The following ACER3 variants were observed in gnomAD, a reference collection of about 807,000 sequenced individuals.
ACER3 encodes alkaline ceramidase 3.
In ACER3, 16 loss-of-function variants were observed where a neutral mutation model predicts 48.9. That is an observed-to-expected ratio of 0.33 (90% CI 0.22 to 0.50). The LOEUF (loss-of-function observed/expected upper bound fraction) is 0.50. ACER3 is among the 20% of genes least tolerant of loss of function. The probability of loss-of-function intolerance (pLI) is 0.98; values close to 1 mark genes in which losing one functional copy is unlikely to be tolerated. For missense variants in ACER3, 227 were observed against 326.0 expected, an observed-to-expected ratio of 0.70 and a Z score of 2.34; for synonymous variants, 109 against 107.8, an observed-to-expected ratio of 1.01 and a Z score of -0.07.
chr11:76,964,181 C>T (rs999595016), intron 3 of ACER3, among the ~76,000 whole-genome samples: 3 of 151,392 alleles, frequency 2.0e-5, no homozygotes, highest in Non-Finnish European at 4.4e-5. Flanking sequence ...GCACCTGGCT[C>T]GGAGGGTCCT....
chr11:76,948,236 T>C (rs1310129757), intron 2 of ACER3, among the ~76,000 whole-genome samples: 1 of 150,958 alleles, frequency 6.6e-6, no homozygotes, highest in Admixed American at 6.6e-5. Flanking sequence ...TGTGTGTGTG[T>C]GTGTGTGTGT....
chr11:76,990,338 C>A (rs1948773197), intron 5 of ACER3, among the ~76,000 whole-genome samples: 1 of 152,166 alleles, frequency 6.6e-6, no homozygotes, highest in Admixed American at 6.5e-5. Context: ...CATAACAGGG[C>A]TAGCACTGAG....
intron 1 of ACER3, among the ~76,000 whole-genome samples, chr11:76,924,745 T>C (rs544872495): frequency 2.0e-5 from 3 of 152,230 alleles, no homozygotes; most frequent in South Asian, 4.1e-4. Context: ...AATATGGCTA[T>C]GTAAATAATG....
chr11:76,983,147 G>A (rs569521267), intron 4 of ACER3, among the ~76,000 whole-genome samples: 2 of 152,010 alleles, frequency 1.3e-5, no homozygotes, highest in Admixed American at 6.6e-5. Context: ...TAATTTCTTC[G>A]ACTCTATAGA....
chr11:76,916,552 G>A (rs779674331), intron 1 of ACER3, among the ~76,000 whole-genome samples: 3 of 152,196 alleles, frequency 2.0e-5, no homozygotes, highest in Non-Finnish European at 4.4e-5. Flanking sequence ...TGTAACAAGA[G>A]TGGTCATTTT....
intron 1 of ACER3, among the ~76,000 whole-genome samples, chr11:76,901,096 A>G (rs546225452): frequency 9.2e-5 from 14 of 152,076 alleles, no homozygotes; most frequent in Non-Finnish European, 2.1e-4. Flanking sequence ...CCTCTCTTTC[A>G]TAGCGTTGAC....
intron 1 of ACER3, among the ~76,000 whole-genome samples, chr11:76,898,136 C>T (rs899120973): frequency 6.6e-6 from 1 of 151,960 alleles, no homozygotes; most frequent in Non-Finnish European, 1.5e-5. Flanking sequence ...CAAAAGTGTA[C>T]CTACCATTGC....
intron 2 of ACER3, chr11:76,957,496 TGCA>T (rs748712593): frequency 2.2e-6 from 1 of 450,870 alleles, no homozygotes; most frequent in South Asian, 1.6e-5. Flanking sequence ...GAGGCTGAAG[TGCA>T]GTGGCACAAT....
chr11:76,885,958 AG>A (rs1327085774), intron 1 of ACER3, among the ~76,000 whole-genome samples: 2 of 152,242 alleles, frequency 1.3e-5, no homozygotes, highest in Admixed American at 1.3e-4. Context: ...TGAGGAAAGC[AG>A]ATAAGAAAGC....
At chr11:76,879,081 A>G (rs1945459917) in intron 1 of ACER3, among the ~76,000 whole-genome samples, 1 of 152,020 alleles carries the variant, frequency 6.6e-6, no homozygotes, top group Admixed American at 6.6e-5. Flanking sequence ...TGCCAAATGG[A>G]TGTTTTGTGA....
chr11:76,954,336 A>G (rs912013361), intron 2 of ACER3, among the ~76,000 whole-genome samples: 2 of 152,314 alleles, frequency 1.3e-5, no homozygotes. Context: ...GCTTAAGCCA[A>G]ACTCTTTTAG....
At chr11:76,976,494 T>C (rs1325493870) in intron 4 of ACER3, among the ~76,000 whole-genome samples, 153 bp downstream of exon 4, 1 of 152,210 alleles carries the variant, frequency 6.6e-6, no homozygotes, top group East Asian at 1.9e-4. Context: ...GTATAATTTC[T>C]GGGAAGTTAC....
At chr11:76,985,800 G>A in intron 5 of ACER3, 76 bp downstream of exon 5, 1 of 828,254 alleles carries the variant, frequency 1.2e-6, no homozygotes, top group Non-Finnish European at 1.8e-6. Flanking sequence ...TTTACTTCCA[G>A]TATTTGCTTC....
intron 1 of ACER3, among the ~76,000 whole-genome samples, chr11:76,898,432 C>G (rs1945990304): frequency 6.6e-6 from 1 of 152,184 alleles, no homozygotes; most frequent in African/African-American, 2.4e-5. Flanking sequence ...GATTCAAACT[C>G]CTGGGCTCAA....
At chr11:76,968,126 C>T (rs1174248741) in intron 3 of ACER3, among the ~76,000 whole-genome samples, 1 of 152,042 alleles carries the variant, frequency 6.6e-6, no homozygotes, top group Admixed American at 6.5e-5. Context: ...GCAAAAATCA[C>T]AAGCATTCTT....
In ACER3 at chr11:76,866,320, A is replaced by G. The variant is rs188201248; in HGVS notation, c.103+5241A>G. On this transcript the variant is annotated intron_variant, in intron 1 of 10. Transcript: ENST00000532485. ...GTTACTCAATTTTGTAACATGGCAC[A>G]TAAGTTTATCACCAGGAGACAAGGA... Among the ~76,000 whole-genome samples, 48 of 152,332 alleles carry G rather than the reference A, an allele frequency of 3.2e-4. 1 individual carries two copies. In the East Asian group the frequency reaches 8.5e-3, roughly 27 times the overall value.
chr11:77,018,015 T>C (rs139411485), intron 9 of ACER3, among the ~76,000 whole-genome samples: 3,336 of 140,828 alleles, frequency 0.024, 68 homozygotes, highest in South Asian at 0.04. Context: ...CTTGGCTCAC[T>C]GCAACCTCCA....
intron 4 of ACER3, among the ~76,000 whole-genome samples, chr11:76,984,773 A>T (rs1310859543): frequency 6.6e-6 from 1 of 152,250 alleles, no homozygotes; most frequent in Admixed American, 6.5e-5. Context: ...AGGAATCATT[A>T]GTTGCAAGAT....
In ACER3 at chr11:77,022,176, T is replaced by C. The variant is rs1393005152; in HGVS notation, c.*1849T>C. On this transcript the variant is annotated 3_prime_UTR_variant, in exon 11 of 11. Transcript: ENST00000532485. The stretch of plus-strand genomic sequence containing the variant: ...CTGCATAAAGAGTATATATACAGTG[T>C]AGGATAAAGGCATATCGTACATGGC... 6.6e-6 allele frequency: 1 copy of C among 152,214 alleles called. No homozygotes were observed. The highest frequency in any genetic ancestry group is 1.5e-5 in the Non-Finnish European group (1 of 68,038). 9.4% of individuals were successfully genotyped at this position (152,214 alleles called of 1,614,324 possible). A position where few individuals can be genotyped will look rare whatever the true frequency, so the allele number is the denominator to read the frequency against.
Sources: gnomAD v4.1 joint callset for allele counts (sites outside exome capture counted in the v4.1 genomes callset) on GRCh38, gnomAD v4.1.1 for gene constraint, MANE v1.5 for transcripts, NCBI Gene and HGNC (gene_info 2026-07-23, HGNC 2026-07-21) for gene names.